SMCHD1: variants seen among roughly 807,000 people sequenced by gnomAD.
SMCHD1 encodes structural maintenance of chromosomes flexible hinge domain containing 1.
SMCHD1 carries 78 observed loss-of-function variants against 254.7 expected under a neutral mutation model. The observed-to-expected ratio is 0.31, with a 90% CI of 0.26 to 0.37. The LOEUF (loss-of-function observed/expected upper bound fraction) is 0.37, where lower values mean the gene tolerates loss of function less well. SMCHD1 is among the 10% of genes least tolerant of loss of function. The probability of loss-of-function intolerance (pLI) is 1.00; values close to 1 mark genes in which losing one functional copy is unlikely to be tolerated. For missense variants in SMCHD1, 1,840 were observed against 2,408.1 expected (o/e 0.76, Z 4.94); for synonymous variants, 766 against 794.9 (o/e 0.96, Z 0.61).
In SMCHD1 at chr18:2,728,483, C is replaced by T. The variant is rs1295351709; in HGVS notation, c.2800C>T (p.Pro934Ser). ...TCACCCTCGTCGACTGAAAGTGAAA[C>T]CTGATTCTGAAATTTTAGTTATAGA... ...PGHPRRLKVK[P>S]DSEILVIENG... The change falls in exon 23 of 48, where the codon CCT becomes TCT. Residue 934 changes from proline (P) to serine (S), a missense_variant. By Grantham distance (74) the Pro-to-Ser change is moderately conservative. Transcript: ENST00000320876. The T allele has an allele frequency of 6.2e-7, 1 of 1,612,800 alleles. No individual in the cohort carries two copies. The highest frequency in any genetic ancestry group is 8.5e-7 in the Non-Finnish European group (1 of 1,179,366).
intron 7 of SMCHD1, among the ~76,000 whole-genome samples, chr18:2,689,852 TAAAAAA>T (rs1167921048): frequency 2.8e-5 from 2 of 72,512 alleles, no homozygotes; most frequent in African/African-American, 5.9e-5. Context: ...TTGTCTCTAC[TAAAAAA>T]AAAAAAAAAA....
At chr18:2,768,673 CTATAT>C (rs2075919021) in intron 37 of SMCHD1, among the ~76,000 whole-genome samples, 1 of 150,396 alleles carries the variant, frequency 6.6e-6, no homozygotes, top group Non-Finnish European at 1.5e-5. Context: ...ATATAGTGTA[CTATAT>C]ACTATACTAC....
Position 2,726,530 on chromosome 18 carries a change from A to G in SMCHD1, c.2773+6A>G, listed in dbSNP as rs1047960354. 8 of 1,233,590 alleles carry G rather than the reference A, an allele frequency of 6.5e-6. No individual in the cohort carries two copies. Among genetic ancestry groups the G allele is most frequent in the Admixed American group, 2.3e-5 (1 of 44,080 alleles). The allele number at this position is 1,233,590 out of a possible 1,614,324, so 76.4% of individuals were successfully genotyped here. On this transcript the variant is annotated splice_donor_region_variant and intron_variant, in intron 22 of 47. Coordinates refer to ENST00000320876, the MANE Select transcript of SMCHD1 (RefSeq NM_015295.3). ...GAAAATTAGATTACTACCTGGTAAT[A>G]TTATTTCAAGAAATATAATTATTTA...
intron 47 of SMCHD1, among the ~76,000 whole-genome samples, 160 bp from the exon 48 acceptor site, chr18:2,802,368 A>T (rs2076379554): frequency 6.6e-6 from 1 of 152,180 alleles, no homozygotes; most frequent in African/African-American, 2.4e-5. Context: ...TGTGAAGGAA[A>T]TGATTATATA....
chr18:2,667,099 A>G (rs2073461409), intron 3 of SMCHD1, 68 bp downstream of exon 3: 1 of 1,120,278 alleles, frequency 8.9e-7, no homozygotes, highest in African/African-American at 1.6e-5. Context: ...TACGTATCCC[A>G]TTCCTTCACT....
chr18:2,661,567 C>T (rs2073255370), intron 1 of SMCHD1, among the ~76,000 whole-genome samples: 1 of 133,816 alleles, frequency 7.5e-6, no homozygotes, highest in African/African-American at 4.1e-5. Flanking sequence ...ATGGATTAAA[C>T]ATCTGGGTTT....
intron 44 of SMCHD1, among the ~76,000 whole-genome samples, chr18:2,778,587 C>A (rs747787999): frequency 1.3e-5 from 2 of 151,918 alleles, no homozygotes; most frequent in Admixed American, 1.3e-4. Flanking sequence ...ATTACTGTCC[C>A]ACAACAGACT....
chr18:2,656,009 G>T lies in SMCHD1; in HGVS notation c.-67G>T. 8.2e-7 allele frequency: 1 copy of T among 1,222,918 alleles called. No individual in the cohort carries two copies. The highest frequency in any genetic ancestry group is 1.0e-6 in the Non-Finnish European group (1 of 974,940). The allele number at this position is 1,222,918 out of a possible 1,614,324, so 75.8% of individuals were successfully genotyped here. On this transcript the variant is annotated 5_prime_UTR_variant, in exon 1 of 48. Coordinates refer to ENST00000320876, the MANE Select transcript of SMCHD1 (RefSeq NM_015295.3). ...GGAGCTGGAGCTGAAGGCGCCGCGC[G>T]GAGCGCGCACCTCAGCCCTGAGCCC... is the stretch of plus-strand genomic sequence containing the variant.
At chr18:2,679,170 C>T (rs551916200) in intron 5 of SMCHD1, among the ~76,000 whole-genome samples, 1 of 148,162 alleles carries the variant, frequency 6.7e-6, no homozygotes, top group East Asian at 2.1e-4. Context: ...TTGAAGGCTA[C>T]TTGTGCTGGG....
chr18:2,743,007 C>A (rs1281463955), intron 28 of SMCHD1, among the ~76,000 whole-genome samples: 2 of 152,232 alleles, frequency 1.3e-5, no homozygotes. Context: ...ATTGTTACAG[C>A]AGCCCAGAAA....
chr18:2,748,441 T>G (rs890017791), intron 30 of SMCHD1, among the ~76,000 whole-genome samples: 4 of 138,624 alleles, frequency 2.9e-5, no homozygotes, highest in Non-Finnish European at 3.0e-5. Context: ...CGCCCCAGGC[T>G]GGAGTGCAGT....
At chr18:2,656,830 C>CCTG (rs1394167497) in intron 1 of SMCHD1, among the ~76,000 whole-genome samples, 1 of 152,150 alleles carries the variant, frequency 6.6e-6, no homozygotes, top group Non-Finnish European at 1.5e-5. Context: ...AGACACTTGT[C>CCTG]CAGGTCAGCT....
Position 2,802,717 on chromosome 18 carries a change from A to G in SMCHD1, c.*165A>G, listed in dbSNP as rs1437237493. The stretch of plus-strand genomic sequence containing the variant: ...TTCGATTCAGATGGGACTGGAAACA[A>G]CCATTCAATTTTATGAATCTTACTG... On this transcript the variant is annotated 3_prime_UTR_variant, in exon 48 of 48. Transcript: ENST00000320876. 5 of 514,930 alleles carry G rather than the reference A, an allele frequency of 9.7e-6. No homozygotes were observed. Among genetic ancestry groups the G allele is most frequent in the East Asian group, 6.6e-5 (2 of 30,112 alleles). The allele number at this position is 514,930 out of a possible 1,614,324, so 31.9% of individuals were successfully genotyped here.
chr18:2,703,115 A>G (rs1054261209), intron 12 of SMCHD1, among the ~76,000 whole-genome samples: 1 of 152,228 alleles, frequency 6.6e-6, no homozygotes, highest in African/African-American at 2.4e-5. Flanking sequence ...GAGAAAATTA[A>G]AAAGAAAAGT....
At chr18:2,739,204 A>T (rs918548919) in intron 26 of SMCHD1, among the ~76,000 whole-genome samples, 7 of 152,200 alleles carry the variant, frequency 4.6e-5, no homozygotes, top group Admixed American at 4.6e-4. Flanking sequence ...GTGACTTAAC[A>T]TGTCTGTAAG....
At chr18:2,659,672 C>T (rs563939758) in intron 1 of SMCHD1, among the ~76,000 whole-genome samples, 1 of 150,804 alleles carries the variant, frequency 6.6e-6, no homozygotes, top group East Asian at 1.9e-4. Flanking sequence ...CTTTGTGTGG[C>T]TCCAATGTTT....
chr18:2,703,637 G>T, intron 12 of SMCHD1, 55 bp from the exon 13 acceptor site: 1 of 1,359,180 alleles, frequency 7.4e-7, no homozygotes, highest in South Asian at 1.3e-5. Flanking sequence ...AAATGTTTAT[G>T]GTTATATTTG....
At position 2,673,301 on chromosome 18, in the gene SMCHD1, A is replaced by T; in HGVS notation, c.445A>T (p.Ile149Phe). Residue 149 changes from isoleucine (I) to phenylalanine (F), a missense_variant, in exon 4 of 48, where the codon ATT (isoleucine) becomes TTT (phenylalanine). By Grantham distance (21) the Ile-to-Phe change is conservative (BLOSUM62 0). This residue lies in a region of SMCHD1 where 498 missense variants were observed against 743.5 expected (regional missense o/e 0.67). Transcript: ENST00000320876. ...TGCAGCATTTGCTCTTGCGGAATTAATTGACAATTCATTGTCTGCTACTTC... is the reference window on the plus strand; with the variant it reads ...TGCAGCATTTGCTCTTGCGGAATTATTTGACAATTCATTGTCTGCTACTTC... ...NPLPFALAEL[I>F]DNSLSATSRN... is the part of the protein sequence containing the mutation. 1 of 1,589,390 alleles carries T rather than the reference A, an allele frequency of 6.3e-7. No homozygotes were observed.
chr18:2,775,698 T>C (rs2076055640), intron 41 of SMCHD1, 36 bp from the exon 42 acceptor site: 1 of 1,555,474 alleles, frequency 6.4e-7, no homozygotes, highest in African/African-American at 1.4e-5. Flanking sequence ...TATATATGGA[T>C]TTTATATTTT....
Sources: gnomAD v4.1 joint callset for allele counts (sites outside exome capture counted in the v4.1 genomes callset) on GRCh38, gnomAD v4.1.1 for gene constraint, gnomAD v4.1.1 regional missense constraint, MANE v1.5 for transcripts, NCBI Gene and HGNC (gene_info 2026-07-23, HGNC 2026-07-21) for gene names.